GALNT14: variants seen among roughly 807,000 people sequenced by gnomAD.
GALNT14 encodes polypeptide N-acetylgalactosaminyltransferase 14, also known as UDP-GalNAc:polypeptide N-acetylgalactosaminyltransferase 14.
Under a neutral mutation model 77.5 loss-of-function variants are expected in GALNT14, and 60 were observed. The observed-to-expected ratio is 0.77, with a 90% confidence interval of 0.63 to 0.96. The LOEUF is 0.96. Ranked by LOEUF, GALNT14 falls within the 40% of genes least tolerant of loss-of-function variation. The probability of loss-of-function intolerance (pLI) is 0.00; values close to 1 mark genes in which losing one functional copy is unlikely to be tolerated. For missense variants in GALNT14, 710 were observed against 731.0 expected (o/e 0.97, Z 0.33); for synonymous variants, 280 against 281.7 (o/e 0.99, Z 0.06).
At chr2:30,935,036 A>G (rs1665966587) in intron 9 of GALNT14, among the ~76,000 whole-genome samples, 1 of 152,200 alleles carries the variant, frequency 6.6e-6, no homozygotes, top group South Asian at 2.1e-4. Context: ...TAGTACAAAA[A>G]TTGAGTATTG....
At chr2:31,107,319 G>C (rs1677608267) in intron 1 of GALNT14, among the ~76,000 whole-genome samples, 1 of 152,082 alleles carries the variant, frequency 6.6e-6, no homozygotes, top group Non-Finnish European at 1.5e-5. Context: ...TCCAGGATGT[G>C]TATTTTTTCT....
At chr2:30,938,278 G>C (rs754987918) in intron 9 of GALNT14, among the ~76,000 whole-genome samples, 1 of 148,556 alleles carries the variant, frequency 6.7e-6, no homozygotes, top group Non-Finnish European at 1.5e-5. Flanking sequence ...AATATGCACC[G>C]CTTACATACC....
At chr2:31,035,408 T>C (rs745659040) in intron 1 of GALNT14, among the ~76,000 whole-genome samples, 2 of 151,930 alleles carry the variant, frequency 1.3e-5, no homozygotes, top group Non-Finnish European at 2.9e-5. Flanking sequence ...CATATGGTTC[T>C]CTTTTGTTTA....
At position 31,065,640 on chromosome 2, in the gene GALNT14, A is replaced by G. The variant is rs368068676; in HGVS notation, c.129+72318T>C. On this transcript the variant is annotated intron_variant, in intron 1 of 14. Transcript: ENST00000349752. Reference sequence around the variant, plus strand: ...ACCTTCCTGCCTGGTCAACTTGATGATGGTCCGGCAGGGCCTCAGATTTGC... The same window carrying G: ...ACCTTCCTGCCTGGTCAACTTGATGGTGGTCCGGCAGGGCCTCAGATTTGC... 5.3e-5 allele frequency among the ~76,000 whole-genome samples: 8 copies of G among 152,268 alleles called. No homozygotes were observed. The East Asian group carries it at 1.2e-3, about 22-fold the overall frequency.
At chr2:30,940,977 G>C (rs915688686) in intron 9 of GALNT14, among the ~76,000 whole-genome samples, 2 of 152,202 alleles carry the variant, frequency 1.3e-5, no homozygotes, top group South Asian at 2.1e-4. Flanking sequence ...AGATGCTGTG[G>C]GTCAGGCCAG....
At chr2:31,107,972 C>T (rs572241853) in intron 1 of GALNT14, among the ~76,000 whole-genome samples, 1 of 152,280 alleles carries the variant, frequency 6.6e-6, no homozygotes, top group Non-Finnish European at 1.5e-5. Context: ...CACCACCTCC[C>T]CAGCAACCCA....
intron 2 of GALNT14, among the ~76,000 whole-genome samples, chr2:30,988,577 G>T (rs964554564): frequency 1.0e-5 from 1 of 99,296 alleles, no homozygotes; most frequent in African/African-American, 4.0e-5. Context: ...TGTAGTGTGT[G>T]GGGGAGGTGG....
the GALNT14 span, among the ~76,000 whole-genome samples, chr2:30,897,683 T>G: frequency 1.3e-5 from 2 of 152,138 alleles, no homozygotes; most frequent in Non-Finnish European, 2.9e-5. Context: ...GCGTAGCTTC[T>G]CCACAGGGCT....
chr2:31,063,769 T>C (rs1448871162), intron 1 of GALNT14, among the ~76,000 whole-genome samples: 3 of 152,248 alleles, frequency 2.0e-5, no homozygotes, highest in African/African-American at 7.2e-5. Context: ...GAAGAGGTCC[T>C]TAATGTCCCT....
chr2:30,922,060 T>C (rs1208248992), intron 13 of GALNT14, among the ~76,000 whole-genome samples: 1 of 152,154 alleles, frequency 6.6e-6, no homozygotes. Flanking sequence ...CCACAGAAGC[T>C]GGACCAGGCT....
intron 1 of GALNT14, among the ~76,000 whole-genome samples, chr2:31,129,804 G>C (rs1165606094): frequency 6.6e-6 from 1 of 152,180 alleles, no homozygotes; most frequent in Non-Finnish European, 1.5e-5. Context: ...GACAACTAAG[G>C]AAGAAAATCC....
At chr2:30,912,192 G>T in intron 14 of GALNT14, 31 bp downstream of exon 14, 1 of 1,612,152 alleles carries the variant, frequency 6.2e-7, no homozygotes, top group Non-Finnish European at 8.5e-7. Flanking sequence ...TACGGAGTTG[G>T]CCACATCCCA....
chr2:30,896,825 A>G, the GALNT14 span, among the ~76,000 whole-genome samples: 1 of 150,010 alleles, frequency 6.7e-6, no homozygotes, highest in East Asian at 2.0e-4. Context: ...TCTGTCTCCC[A>G]CATCCACCCC....
chr2:31,048,553 A>T (rs942746605), intron 1 of GALNT14, among the ~76,000 whole-genome samples: 2 of 149,290 alleles, frequency 1.3e-5, no homozygotes, highest in Non-Finnish European at 2.9e-5. Context: ...AAAATAAGAC[A>T]GTGCTGGAGA....
At chr2:31,042,260 G>C (rs968309563) in intron 1 of GALNT14, among the ~76,000 whole-genome samples, 1 of 152,030 alleles carries the variant, frequency 6.6e-6, no homozygotes, top group African/African-American at 2.4e-5. Context: ...TTTTTTTAAA[G>C]GTGACTTACA....
intron 13 of GALNT14, among the ~76,000 whole-genome samples, chr2:30,922,639 C>T (rs574860174): frequency 3.3e-5 from 5 of 152,324 alleles, no homozygotes; most frequent in South Asian, 2.1e-4. Context: ...TTTCCAAGTC[C>T]GGTTGGAAAT....
intron 4 of GALNT14, among the ~76,000 whole-genome samples, chr2:30,956,920 A>C (rs1667405176): frequency 6.6e-6 from 1 of 152,236 alleles, no homozygotes; most frequent in Admixed American, 6.5e-5. Context: ...TTCAGCTCAC[A>C]GACCTGCTTT....
intron 1 of GALNT14, among the ~76,000 whole-genome samples, chr2:31,014,397 C>T (rs1002927878): frequency 6.6e-6 from 1 of 152,172 alleles, no homozygotes; most frequent in Non-Finnish European, 1.5e-5. Flanking sequence ...GCCCCTCCCA[C>T]AGAGAGGCAT....
At chr2:30,966,821 G>A (rs1317877131) in intron 2 of GALNT14, among the ~76,000 whole-genome samples, 1 of 152,182 alleles carries the variant, frequency 6.6e-6, no homozygotes, top group Non-Finnish European at 1.5e-5. Flanking sequence ...AAAAGAGGCA[G>A]AGCCCCAAAC....
Sources: gnomAD v4.1 joint callset for allele counts (sites outside exome capture counted in the v4.1 genomes callset) on GRCh38, gnomAD v4.1.1 for gene constraint, MANE v1.5 for transcripts, NCBI Gene and HGNC (gene_info 2026-07-23, HGNC 2026-07-21) for gene names.